The following PON3 variants were observed in gnomAD, a reference collection of about 807,000 sequenced individuals.
PON3 encodes paraoxonase 3.
Under a neutral mutation model 36.3 loss-of-function variants are expected in PON3, and 37 were observed. That is an observed-to-expected ratio of 1.02 (90% CI 0.78 to 1.34). PON3 has a LOEUF of 1.34. PON3 is among the 40% of genes most tolerant of loss of function. PON3 has a pLI of 0.00. For synonymous variants in PON3, 155 were observed against 154.8 expected (o/e 1.00, Z -0.01); for missense variants, 415 against 426.5 (o/e 0.97, Z 0.24).
chr7:95,365,851 C>T (rs1473203764), intron 5 of PON3: 1 of 152,184 alleles, frequency 6.6e-6, no homozygotes, highest in Non-Finnish European at 1.5e-5. Context: ...TTCATCTTCA[C>T]ATAGCATTCT....
chr7:95,374,379 C>A (rs1318918056), intron 3 of PON3, among the ~76,000 whole-genome samples: 3 of 152,070 alleles, frequency 2.0e-5, no homozygotes, highest in African/African-American at 7.2e-5. Flanking sequence ...AAATCCTTTA[C>A]CTGCTTTCTT....
rs186037137 is a variant in PON3, at chr7:95,372,529, G to A, written c.202-191C>T. On this transcript the variant is annotated intron_variant, in intron 3 of 8. Transcript: ENST00000265627. The stretch of plus-strand genomic sequence containing the variant: ...TGTTACTGATGTCATCTAAACATTG[G>A]CTATGAACACAGAAAGAACCATATT... Among the ~76,000 whole-genome samples, 6 of 152,124 alleles carry A rather than the reference G, an allele frequency of 3.9e-5. No individual in the cohort carries two copies. In the East Asian group the frequency reaches 1.2e-3, roughly 29 times the overall value.
chr7:95,386,571 G>A (rs1035816003), intron 3 of PON3, among the ~76,000 whole-genome samples: 9 of 152,050 alleles, frequency 5.9e-5, no homozygotes, highest in Admixed American at 3.9e-4. Context: ...GAGCTGGGAC[G>A]ATTCCTTCTG....
chr7:95,362,970 G>GTTCT (rs1464980708), intron 6 of PON3, 129 bp from the exon 7 acceptor site: 1 of 705,092 alleles, frequency 1.4e-6, no homozygotes, highest in African/African-American at 1.8e-5. Context: ...CTAAACCACA[G>GTTCT]TAAAAGAAGA....
At chr7:95,364,173 A>G (rs1808641279) in intron 5 of PON3, 110 bp from the exon 6 acceptor site, 2 of 883,760 alleles carry the variant, frequency 2.3e-6, no homozygotes, top group East Asian at 5.0e-5. Context: ...CAATTTGAAA[A>G]AGGATACATG....
At chr7:95,363,047 T>C (rs1231414223) in intron 6 of PON3, among the ~76,000 whole-genome samples, 4 of 152,198 alleles carry the variant, frequency 2.6e-5, no homozygotes, top group Non-Finnish European at 5.9e-5. Context: ...GTTATGACTA[T>C]AATGAAACTG....
chr7:95,362,703 C>T (rs946472127), intron 7 of PON3, 57 bp downstream of exon 7: 17 of 1,474,748 alleles, frequency 1.2e-5, no homozygotes, highest in Admixed American at 6.7e-5. Context: ...ATTCCTGGGT[C>T]AAGTATGGGA....
intron 2 of PON3, 119 bp downstream of exon 2, chr7:95,394,525 G>C (rs1809387375): frequency 2.4e-6 from 2 of 836,166 alleles, no homozygotes; most frequent in Non-Finnish European, 4.1e-6. Flanking sequence ...GGACGGGGCA[G>C]ATGTCCCACT....
intron 2 of PON3, among the ~76,000 whole-genome samples, chr7:95,392,796 G>A (rs1809346414): frequency 6.6e-6 from 1 of 152,184 alleles, no homozygotes; most frequent in Admixed American, 6.5e-5. Flanking sequence ...CTACTTCCAT[G>A]TAATGCATTG....
intron 4 of PON3, among the ~76,000 whole-genome samples, chr7:95,368,814 C>CAA (rs11388951): frequency 0.022 from 2,985 of 133,052 alleles, 83 homozygotes; most frequent in East Asian, 0.075. Flanking sequence ...CAAAAACAAA[C>CAA]AAAAAAAAAA....
At chr7:95,383,149 A>G (rs1382738227) in intron 3 of PON3, among the ~76,000 whole-genome samples, 1 of 152,222 alleles carries the variant, frequency 6.6e-6, no homozygotes, top group Non-Finnish European at 1.5e-5. Context: ...ACAAAATTCA[A>G]CAGCCCTTCA....
chr7:95,369,630 G>T (rs1808767192), intron 4 of PON3, among the ~76,000 whole-genome samples: 1 of 152,098 alleles, frequency 6.6e-6, no homozygotes, highest in Non-Finnish European at 1.5e-5. Flanking sequence ...CAAAAAATTA[G>T]CCGGGCATGG....
intron 3 of PON3, among the ~76,000 whole-genome samples, chr7:95,372,607 A>T (rs1288650115): frequency 6.6e-6 from 1 of 152,190 alleles, no homozygotes; most frequent in Non-Finnish European, 1.5e-5. Flanking sequence ...CCAAAAAAAT[A>T]TAACAGAAGA....
At chr7:95,374,743 T>G (rs1463631819) in intron 3 of PON3, among the ~76,000 whole-genome samples, 1 of 152,192 alleles carries the variant, frequency 6.6e-6, no homozygotes, top group Non-Finnish European at 1.5e-5. Flanking sequence ...ACTTCTGATC[T>G]GCTTCTCTGT....
chr7:95,361,922 G>A lies in PON3; in HGVS notation c.906+440C>T, dbSNP rs775349634. Among the ~76,000 whole-genome samples, 30 of 152,162 alleles carry A rather than the reference G, an allele frequency of 2.0e-4. No homozygotes were observed. The Middle Eastern group carries it at 0.01, about 52-fold the overall frequency. On this transcript the variant is annotated intron_variant, in intron 8 of 8. Coordinates refer to ENST00000265627, the MANE Select transcript of PON3 (RefSeq NM_000940.3). ...AAATAAGACAATTTTCAACACCATC[G>A]TATATGTTAGAACTTACAGGCAAAA...
chr7:95,370,478 A>G (rs1808787527), intron 4 of PON3, among the ~76,000 whole-genome samples: 1 of 152,230 alleles, frequency 6.6e-6, no homozygotes, highest in Admixed American at 6.5e-5. Context: ...AGACACCATT[A>G]TATATGAAAA....
intron 3 of PON3, among the ~76,000 whole-genome samples, chr7:95,375,375 T>C (rs188969133): frequency 2.7e-4 from 40 of 149,874 alleles, no homozygotes; most frequent in Admixed American, 1.5e-3. Context: ...AAATAAAAAA[T>C]ATATAATAAT....
intron 7 of PON3, 105 bp from the exon 8 acceptor site, chr7:95,362,595 G>T: frequency 1.3e-6 from 2 of 1,534,986 alleles, no homozygotes; most frequent in South Asian, 1.1e-5. Flanking sequence ...CCTAAAGTTG[G>T]TGTTTTTAGG....
At chr7:95,389,139 A>G (rs1330496919) in intron 3 of PON3, among the ~76,000 whole-genome samples, 2 of 152,150 alleles carry the variant, frequency 1.3e-5, no homozygotes, top group Non-Finnish European at 2.9e-5. Context: ...CAAGGAAAAA[A>G]CTTTTCTAGA....
Sources: allele counts gnomAD v4.1 joint callset (sites outside exome capture counted in the v4.1 genomes callset), GRCh38; gene constraint gnomAD v4.1.1; transcripts MANE v1.5; gene names NCBI Gene and HGNC (gene_info 2026-07-23, HGNC 2026-07-21).